Variants in BBOF1 observed in about 807,000 individuals in gnomAD.
BBOF1 encodes basal body-orientation factor 1.
In BBOF1, 62 loss-of-function variants were observed where a neutral mutation model predicts 68.0. The observed-to-expected ratio is 0.91, with a 90% CI of 0.74 to 1.13. The LOEUF (loss-of-function observed/expected upper bound fraction) is 1.13, where lower values mean the gene tolerates loss of function less well. Among genes scored for constraint, BBOF1 ranks in the 50% most tolerant of loss-of-function variants. BBOF1 has a pLI of 0.00. For missense variants in BBOF1, 534 were observed against 600.1 expected, an observed-to-expected ratio of 0.89 and a Z score of 1.15; for synonymous variants, 208 against 198.8, an observed-to-expected ratio of 1.05 and a Z score of -0.39.
At chr14:74,060,288 C>G (rs1401332052) in intron 11 of BBOF1, 2 of 261,052 alleles carry the variant, frequency 7.7e-6, no homozygotes, top group Non-Finnish European at 1.5e-5. Flanking sequence ...GCGTGAGCCA[C>G]CGCGCCTGGC....
At position 74,071,833 on chromosome 14, in the gene BBOF1, G is replaced by A. The variant is rs572773125; in HGVS notation, n.1380-6363G>A. 1.4e-5 allele frequency: 22 copies of A among 1,565,814 alleles called. No homozygotes were observed. The East Asian group carries it at 4.3e-4, about 30-fold the overall frequency. On this transcript the variant is annotated intron_variant and non_coding_transcript_variant, in intron 9 of 12. Coordinates refer to the BBOF1 transcript ENST00000492026. ...AGGAAGAAGCAACCTCCCATTCTGCGATCTTTGCCTCCCATCTTCCTTTGG... is the reference window on the plus strand; with the variant it reads ...AGGAAGAAGCAACCTCCCATTCTGCAATCTTTGCCTCCCATCTTCCTTTGG...
At chr14:74,040,528 A>C in intron 4 of BBOF1, 37 bp from the exon 5 acceptor site, 1 of 1,305,906 alleles carries the variant, frequency 7.7e-7, no homozygotes, top group Non-Finnish European at 1.1e-6. Flanking sequence ...CCCATTTTCT[A>C]TTGATCATTT....
intron 11 of BBOF1, among the ~76,000 whole-genome samples, chr14:74,061,691 G>A (rs1364242473): frequency 6.6e-6 from 1 of 152,066 alleles, no homozygotes; most frequent in East Asian, 1.9e-4. Flanking sequence ...AAGTATCTTA[G>A]AAATCTAAAG....
intron 4 of BBOF1, among the ~76,000 whole-genome samples, chr14:74,037,476 G>C (rs540081296): frequency 4.9e-4 from 60 of 122,564 alleles, no homozygotes; most frequent in African/African-American, 1.8e-3. Context: ...TTTTTTTTTT[G>C]AGATGGGGTT....
chr14:74,070,188 A>G (rs1425941060), downstream of BBOF1, among the ~76,000 whole-genome samples: 1 of 152,092 alleles, frequency 6.6e-6, no homozygotes, highest in Non-Finnish European at 1.5e-5. Context: ...CCAAAATAAC[A>G]GCCTTTGAAT....
At chr14:74,061,220 C>T (rs1254445808) in intron 11 of BBOF1, among the ~76,000 whole-genome samples, 6 of 152,082 alleles carry the variant, frequency 3.9e-5, no homozygotes, top group East Asian at 1.9e-4. Flanking sequence ...TCAAGTGATC[C>T]GCCTTCCTCG....
chr14:74,020,112 T>C (rs537203036), intron 1 of BBOF1, among the ~76,000 whole-genome samples: 1 of 152,194 alleles, frequency 6.6e-6, no homozygotes, highest in Non-Finnish European at 1.5e-5. Context: ...AAATCACCTG[T>C]AGTCTCATTA....
intron 2 of BBOF1, among the ~76,000 whole-genome samples, chr14:74,028,948 C>CCA (rs530371320): frequency 4.2e-3 from 628 of 148,460 alleles, no homozygotes; most frequent in Middle Eastern, 0.018. Flanking sequence ...TTATTTTTAA[C>CCA]CACACACACA....
At chr14:74,023,651 C>T (rs886144895) in intron 2 of BBOF1, among the ~76,000 whole-genome samples, 7 of 152,056 alleles carry the variant, frequency 4.6e-5, no homozygotes, top group African/African-American at 1.7e-4. Flanking sequence ...TGTGGTGGCT[C>T]ACGCCTGTAA....
At chr14:74,039,462 T>G (rs984605444) in intron 4 of BBOF1, among the ~76,000 whole-genome samples, 2 of 152,180 alleles carry the variant, frequency 1.3e-5, no homozygotes, top group African/African-American at 4.8e-5. Context: ...GAGTTTCACT[T>G]TTGTTGCCCA....
downstream of BBOF1, chr14:74,067,347 A>G (rs760983390): frequency 2.3e-5 from 37 of 1,611,772 alleles, no homozygotes; most frequent in African/African-American, 6.7e-5. Flanking sequence ...CACAGATGCA[A>G]AATCTAAGGG....
intron 9 of BBOF1, among the ~76,000 whole-genome samples, chr14:74,074,559 C>T (rs2139801174): frequency 6.6e-6 from 1 of 152,192 alleles, no homozygotes; most frequent in Non-Finnish European, 1.5e-5. Flanking sequence ...TGCTGGGACA[C>T]TAAATTTTTA....
intron 6 of BBOF1, 32 bp downstream of exon 6, chr14:74,046,162 A>G (rs1236601649): frequency 5.8e-6 from 9 of 1,549,096 alleles, no homozygotes; most frequent in Non-Finnish European, 7.9e-6. Context: ...TCTGACTCTG[A>G]TTACCTCTCT....
intron 9 of BBOF1, 53 bp downstream of exon 9, chr14:74,055,738 C>T: frequency 7.4e-7 from 1 of 1,349,850 alleles, no homozygotes; most frequent in Non-Finnish European, 1.1e-6. Context: ...ATCTAGAAAC[C>T]ACTTAGGAAC....
chr14:74,033,549 AAC>A (rs1471728079), intron 3 of BBOF1, among the ~76,000 whole-genome samples: 1 of 151,248 alleles, frequency 6.6e-6, no homozygotes, highest in Non-Finnish European at 1.5e-5. Context: ...CAGCCTGAGC[AAC>A]AGAGTGAGAC....
rs758674158 is a variant in BBOF1, at chr14:74,050,195, G to T, written c.1286G>T (p.Trp429Leu). 1.1e-5 allele frequency: 17 copies of T among 1,529,636 alleles called. No homozygotes were observed. Among genetic ancestry groups the T allele is most frequent in the African/African-American group, 1.4e-5 (1 of 72,064 alleles). 94.8% of individuals were successfully genotyped at this position (1,529,636 alleles called of 1,614,324 possible). ...VNQDLLEAEKWTHIEGNVDIG... is the reference protein window; with the variant it reads ...VNQDLLEAEKLTHIEGNVDIG... ...CAGGATCTTCTGGAGGCCGAAAAAT[G>T]GTACTAGCAATACTTTATTATTATC... Residue 429 changes from tryptophan to leucine, a missense_variant and splice_region_variant, in exon 8 of 12, where the codon TGG becomes TTG. By Grantham distance (61) the Trp-to-Leu change is moderately conservative. Transcript: ENST00000394009.
At chr14:74,074,091 C>T (rs982796270) in intron 9 of BBOF1, among the ~76,000 whole-genome samples, 21 of 150,228 alleles carry the variant, frequency 1.4e-4, no homozygotes, top group South Asian at 4.2e-4. Context: ...CTCAAGCAGT[C>T]CCTCTACCTC....
intron 5 of BBOF1, among the ~76,000 whole-genome samples, chr14:74,044,193 C>T (rs12147709): frequency 0.24 from 36,517 of 151,622 alleles, 4,966 homozygotes; most frequent in South Asian, 0.46. Context: ...TTGCAGTGAG[C>T]CGAGATCATG....
rs185475370 is a variant in BBOF1 at position 74,065,584 on chromosome 14, A to C, written c.*885A>C. The C allele has an allele frequency of 9.5e-5, 52 of 546,210 alleles. No homozygotes were observed. The highest frequency in any genetic ancestry group is 8.9e-4 in the African/African-American group (47 of 52,860). 33.8% of individuals were successfully genotyped at this position (546,210 alleles called of 1,614,324 possible). A position where few individuals can be genotyped will look rare whatever the true frequency, so the allele number is the denominator to read the frequency against. ...AAACAACTTGGAATTCCTATCAACA[A>C]TAACCACACTTCCTTTAAGGGACTG... On this transcript the variant is annotated 3_prime_UTR_variant, in exon 12 of 12. Coordinates refer to ENST00000394009, the MANE Select transcript of BBOF1 (RefSeq NM_025057.3).
Sources: gnomAD v4.1 joint callset for allele counts (sites outside exome capture counted in the v4.1 genomes callset) on GRCh38, gnomAD v4.1.1 for gene constraint, MANE v1.5 for transcripts, NCBI Gene and HGNC (gene_info 2026-07-23, HGNC 2026-07-21) for gene names.